WWP2: variants seen among roughly 807,000 people sequenced by gnomAD.
The protein encoded by WWP2 is NEDD4-like E3 ubiquitin-protein ligase WWP2.
Under a neutral mutation model 121.0 loss-of-function variants are expected in WWP2, and 57 were observed. The ratio of observed to expected loss-of-function variants is 0.47; its 90% CI spans 0.38 to 0.59. The LOEUF (loss-of-function observed/expected upper bound fraction) is 0.59, where lower values mean the gene tolerates loss of function less well. WWP2 is among the 20% of genes least tolerant of loss of function. WWP2 has a pLI of 0.00. For missense variants in WWP2, 962 were observed against 1,158.9 expected, an observed-to-expected ratio of 0.83 and a Z score of 2.47; for synonymous variants, 449 against 441.3, an observed-to-expected ratio of 1.02 and a Z score of -0.22.
chr16:69,820,432 T>C lies in WWP2; in HGVS notation c.341-19694T>C, dbSNP rs923601265. ...AATTTTTTTGTATTTTTAGTAGAGA[T>C]GGGATTTCACCATGTTGGCCAGGCT... On this transcript the variant is annotated intron_variant, in intron 4 of 23. Transcript: ENST00000359154. 2.0e-4 allele frequency among the ~76,000 whole-genome samples: 16 copies of C among 78,884 alleles called. 2 individuals carry two copies. Among genetic ancestry groups the C allele is most frequent in the African/African-American group, 4.2e-4 (14 of 33,324 alleles). The allele number at this position is 78,884 out of a possible 152,430, so 51.8% of individuals were successfully genotyped here.
intron 8 of WWP2, among the ~76,000 whole-genome samples, chr16:69,906,166 G>A (rs750575390): frequency 1.4e-4 from 21 of 151,654 alleles, no homozygotes; most frequent in African/African-American, 4.1e-4. Context: ...TCCGCCTTCC[G>A]GGTTCACGCC....
At chr16:69,823,139 A>AG (rs200640878) in intron 4 of WWP2, among the ~76,000 whole-genome samples, 1 of 151,864 alleles carries the variant, frequency 6.6e-6, no homozygotes, top group Non-Finnish European at 1.5e-5. Context: ...TCAAAAAAGA[A>AG]AAAAGTAAAA....
At chr16:69,899,405 C>T (rs1017781736) in intron 8 of WWP2, among the ~76,000 whole-genome samples, 5 of 152,030 alleles carry the variant, frequency 3.3e-5, no homozygotes, top group African/African-American at 1.2e-4. Context: ...TTCTGATATG[C>T]ATGTTATTTC....
At chr16:69,893,876 G>A (rs201363823) in intron 8 of WWP2, among the ~76,000 whole-genome samples, 3 of 151,984 alleles carry the variant, frequency 2.0e-5, no homozygotes, top group African/African-American at 7.2e-5. Context: ...ATAAAGGATC[G>A]CTCTTCCTGC....
At chr16:69,849,253 G>T (rs1401697956) in intron 6 of WWP2, among the ~76,000 whole-genome samples, 3 of 152,192 alleles carry the variant, frequency 2.0e-5, no homozygotes, top group African/African-American at 7.2e-5. Context: ...GATAGGAGCT[G>T]AGCCTTGGGC....
chr16:69,939,215 G>A (rs1567449619), intron 22 of WWP2, 92 bp downstream of exon 22: 2 of 1,558,452 alleles, frequency 1.3e-6, no homozygotes, highest in Non-Finnish European at 1.8e-6. Flanking sequence ...AAGCACGTCA[G>A]TGGGATGGAG....
intron 2 of WWP2, among the ~76,000 whole-genome samples, chr16:69,789,907 T>C (rs1011367727): frequency 2.0e-5 from 3 of 152,196 alleles, no homozygotes; most frequent in Admixed American, 6.5e-5. Flanking sequence ...CCCAAAACTT[T>C]ACTAATAGCC....
intron 9 of WWP2, chr16:69,910,350 C>A: frequency 2.0e-6 from 2 of 981,526 alleles, no homozygotes; most frequent in Non-Finnish European, 2.4e-6. Flanking sequence ...ATGTATTACA[C>A]ACTTGTACTT....
chr16:69,888,121 T>C lies in WWP2; in HGVS notation c.786T>C (p.Ser262=), dbSNP rs752946433. The C allele has an allele frequency of 1.9e-6, 3 of 1,614,140 alleles. No homozygotes were observed. The highest frequency in any genetic ancestry group is 2.7e-5 in the African/African-American group (2 of 75,030). Residue 262 remains serine, a synonymous_variant, in exon 8 of 24, where the codon AGT becomes AGC. Transcript: ENST00000359154. ...CGTCCCCACCTGCTGCACCCTTGAG[T>C]GTGACCCCGAATCCCAACACGACTT... The part of the protein sequence containing the change: ...GVTSPPAAPL[S]VTPNPNTTSL...
rs2058622652 is a variant in WWP2 at position 69,925,228 on chromosome 16, T to C, written c.1180-202T>C. The C allele has an allele frequency of 2.8e-6, 4 of 1,439,400 alleles. No homozygotes were observed. In the South Asian group the frequency reaches 6.4e-5, roughly 23 times the overall value. The allele number at this position is 1,439,400 out of a possible 1,614,324, so 89.2% of individuals were successfully genotyped here. On this transcript the variant is annotated intron_variant, in intron 10 of 23. Coordinates refer to ENST00000359154, the MANE Select transcript of WWP2 (RefSeq NM_001270454.2). This position sits in a 1 kb window ranked among gnomAD's most constrained non-coding sequence, Gnocchi z 4.0. ...TTGGGCCCTCCGTGCGCAGGGTTCT[T>C]TTTTGGTTTTTCTGTAAAAATCAAA...
chr16:69,833,612 C>T (rs894276866), intron 4 of WWP2, among the ~76,000 whole-genome samples: 2 of 152,190 alleles, frequency 1.3e-5, no homozygotes, highest in Non-Finnish European at 2.9e-5. Flanking sequence ...TATTGGTAAC[C>T]AGTTATTACT....
Position 69,931,543 on chromosome 16 carries a change from T to C in WWP2, c.1556T>C (p.Val519Ala), listed in dbSNP as rs750753479. 5 of 1,613,940 alleles carry C rather than the reference T, an allele frequency of 3.1e-6. No individual in the cohort carries two copies. The highest frequency in any genetic ancestry group is 3.4e-6 in the Non-Finnish European group (4 of 1,179,992). Reference sequence around the variant, plus strand: ...CTACCTAGCCACGTGAAGATCAGCGTTTCCAGGCAGACGCTTTTCGAAGAT... The same window carrying C: ...CTACCTAGCCACGTGAAGATCAGCGCTTCCAGGCAGACGCTTTTCGAAGAT... The part of the protein sequence containing the change: ...NALPSHVKIS[V>A]SRQTLFEDSF... Residue 519 changes from valine to alanine, a missense_variant, in exon 15 of 24, where the codon GTT (valine) becomes GCT (alanine). Around this residue, in one of 3 missense-constraint regions of WWP2, gnomAD observed 606 missense variants for 772.6 expected, o/e 0.78. Coordinates refer to ENST00000359154, the MANE Select transcript of WWP2 (RefSeq NM_001270454.2).
chr16:69,872,597 A>G (rs2057661286), intron 7 of WWP2, among the ~76,000 whole-genome samples: 1 of 152,148 alleles, frequency 6.6e-6, no homozygotes, highest in African/African-American at 2.4e-5. Flanking sequence ...TATTTCCTTC[A>G]CGTAAGGGAA....
At chr16:69,915,204 C>A (rs1397303043) in intron 9 of WWP2, among the ~76,000 whole-genome samples, 2 of 152,196 alleles carry the variant, frequency 1.3e-5, no homozygotes, top group Non-Finnish European at 2.9e-5. Context: ...GAAGTTCTCA[C>A]CTCCAGAAAA....
chr16:69,835,384 C>G (rs2056858588), intron 4 of WWP2, among the ~76,000 whole-genome samples: 1 of 152,110 alleles, frequency 6.6e-6, no homozygotes, highest in Non-Finnish European at 1.5e-5. Flanking sequence ...TTATAGGGTT[C>G]CTCTGGCTCA....
intron 1 of WWP2, among the ~76,000 whole-genome samples, chr16:69,777,049 GTA>G (rs1213836607): frequency 2.0e-5 from 3 of 150,640 alleles, no homozygotes; most frequent in African/African-American, 7.3e-5. Flanking sequence ...GTGTGTGTGT[GTA>G]TATATATGTA....
At chr16:69,824,007 G>A (rs1372258184) in intron 4 of WWP2, among the ~76,000 whole-genome samples, 1 of 152,182 alleles carries the variant, frequency 6.6e-6, no homozygotes. Context: ...CCTTGACCTG[G>A]TGACAGGAAA....
intron 5 of WWP2, among the ~76,000 whole-genome samples, chr16:69,841,508 G>A (rs1037103011): frequency 5.3e-5 from 8 of 152,108 alleles, no homozygotes; most frequent in African/African-American, 1.9e-4. Flanking sequence ...TGAGATCAGA[G>A]AAACAGGTCA....
rs775784524 is a variant in WWP2, at chr16:69,939,101, C to T, written c.2418C>T (p.Val806=). ...TCACCGGTACCTGCCGCCTGCCCGT[C>T]GGGGGATTTGCCGAACTCATCGGTA... is the stretch of plus-strand genomic sequence containing the variant. ...QFVTGTCRLP[V]GGFAELIGSN... is the part of the protein sequence containing the mutation. Residue 806 remains valine (V), a synonymous_variant, in exon 22 of 24, where the codon GTC becomes GTT. Coordinates refer to ENST00000359154, the MANE Select transcript of WWP2 (RefSeq NM_001270454.2). 1.1e-5 allele frequency: 18 copies of T among 1,603,794 alleles called. No individual in the cohort carries two copies. Among genetic ancestry groups the T allele is most frequent in the Middle Eastern group, 1.6e-4 (1 of 6,074 alleles).
Sources: gnomAD v4.1 joint callset for allele counts (sites outside exome capture counted in the v4.1 genomes callset) on GRCh38, gnomAD v4.1.1 for gene constraint, gnomAD v4.1.1 regional missense constraint, Gnocchi (gnomAD v3.1) non-coding constraint, MANE v1.5 for transcripts, NCBI Gene and HGNC (gene_info 2026-07-23, HGNC 2026-07-21) for gene names.